Variants in DAB1 observed in about 807,000 individuals in gnomAD.
DAB1 encodes DAB adaptor protein 1.
Under a neutral mutation model 64.6 loss-of-function variants are expected in DAB1, and 15 were observed. The ratio of observed to expected loss-of-function variants is 0.23; its 90% CI spans 0.16 to 0.36. The LOEUF (loss-of-function observed/expected upper bound fraction) is 0.36, where lower values mean the gene tolerates loss of function less well. Ranked by LOEUF, DAB1 falls within the 10% of genes least tolerant of loss-of-function variation. The pLI is 1.00. For synonymous variants in DAB1, 235 were observed against 251.9 expected, an observed-to-expected ratio of 0.93 and a Z score of 0.64; for missense variants, 596 against 706.7, an observed-to-expected ratio of 0.84 and a Z score of 1.78.
chr1:57,241,617 C>T (rs1031750558), intron 2 of DAB1, among the ~76,000 whole-genome samples: 1 of 152,170 alleles, frequency 6.6e-6, no homozygotes, highest in South Asian at 2.1e-4. Flanking sequence ...TGTACCACTG[C>T]CACCAAGGTT....
At chr1:57,729,133 G>A (rs1393661646) in intron 6 of DAB1, among the ~76,000 whole-genome samples, 1 of 152,216 alleles carries the variant, frequency 6.6e-6, no homozygotes, top group Non-Finnish European at 1.5e-5. Context: ...ATTCCAATGG[G>A]GAAAACCAGG....
chr1:57,134,256 C>T (rs555002964), intron 4 of DAB1, among the ~76,000 whole-genome samples: 1 of 152,234 alleles, frequency 6.6e-6, no homozygotes, highest in South Asian at 2.1e-4. Context: ...TCACACAGAG[C>T]AAGTCAGCTC....
intron 6 of DAB1, among the ~76,000 whole-genome samples, chr1:57,735,375 T>A (rs1339100481): frequency 6.6e-6 from 1 of 152,150 alleles, no homozygotes; most frequent in Non-Finnish European, 1.5e-5. Context: ...GGTTTGAAGT[T>A]TCAATGAAAA....
rs1472090305 is a variant in DAB1 at position 57,898,012 on chromosome 1, G to A, written n.388-13850C>T. Among the ~76,000 whole-genome samples the A allele has an allele frequency of 3.3e-5, 5 of 152,100 alleles. No homozygotes were observed. The East Asian group carries it at 9.7e-4, about 29-fold the overall frequency. ...TCCTGCAGGAAGGAATGGGTTCCAG[G>A]GAAACTGGTAGAAGAAAGGGGCTGA... On this transcript the variant is annotated intron_variant and non_coding_transcript_variant, in intron 5 of 20. Coordinates refer to the DAB1 transcript ENST00000485760.
intron 3 of DAB1, among the ~76,000 whole-genome samples, chr1:58,382,387 G>A (rs143738892): frequency 6.2e-4 from 94 of 152,304 alleles, no homozygotes; most frequent in Non-Finnish European, 1.0e-3. Flanking sequence ...CCACCTGACT[G>A]TCAGAAGACC....
chr1:58,433,532 T>A (rs1027409243), intron 3 of DAB1, among the ~76,000 whole-genome samples: 3 of 148,932 alleles, frequency 2.0e-5, no homozygotes, highest in South Asian at 2.1e-4. Flanking sequence ...CGACATCCCA[T>A]GGTAGAAGGC....
At chr1:57,702,101 A>G (rs140287586) in intron 6 of DAB1, among the ~76,000 whole-genome samples, 12 of 152,100 alleles carry the variant, frequency 7.9e-5, no homozygotes, top group African/African-American at 2.9e-4. Flanking sequence ...TGGATTAGTT[A>G]TTTATTCCAG....
chr1:58,492,216 C>T (rs935079851), intron 3 of DAB1, among the ~76,000 whole-genome samples: 10 of 151,982 alleles, frequency 6.6e-5, no homozygotes, highest in African/African-American at 1.4e-4. Flanking sequence ...TTGAAACCAA[C>T]GAGAACAAAG....
intron 1 of DAB1, among the ~76,000 whole-genome samples, chr1:57,311,741 G>A (rs1170009926): frequency 6.6e-6 from 1 of 152,168 alleles, no homozygotes; most frequent in Non-Finnish European, 1.5e-5. Context: ...TCCAGGCAAA[G>A]GTCATCAGTG....
At chr1:57,797,293 C>G (rs562615012) in intron 6 of DAB1, among the ~76,000 whole-genome samples, 4 of 152,180 alleles carry the variant, frequency 2.6e-5, no homozygotes, top group Admixed American at 1.3e-4. Flanking sequence ...AACTAGGTCC[C>G]TTAGGCTCAG....
At chr1:57,677,115 C>T (rs1378805201) in intron 6 of DAB1, among the ~76,000 whole-genome samples, 1 of 152,168 alleles carries the variant, frequency 6.6e-6, no homozygotes, top group African/African-American at 2.4e-5. Flanking sequence ...CTCTCTCTGG[C>T]CCTCTCTCCA....
chr1:57,248,369 C>T (rs1669054159), intron 2 of DAB1, among the ~76,000 whole-genome samples: 1 of 151,806 alleles, frequency 6.6e-6, no homozygotes, highest in Admixed American at 6.6e-5. Context: ...ATGACAGTGG[C>T]CATAATTACT....
At chr1:57,063,803 G>A (rs1193681232) in intron 8 of DAB1, among the ~76,000 whole-genome samples, 3 of 152,152 alleles carry the variant, frequency 2.0e-5, no homozygotes, top group East Asian at 1.9e-4. Flanking sequence ...TGATACTAAC[G>A]ATAGTGGATA....
intron 5 of DAB1, among the ~76,000 whole-genome samples, chr1:58,019,358 T>C (rs141790224): frequency 5.6e-4 from 86 of 152,322 alleles, no homozygotes; most frequent in African/African-American, 1.8e-3. Flanking sequence ...AATAAAATTG[T>C]TCTTTCGTGT....
chr1:58,256,560 C>T (rs1290536797), intron 4 of DAB1, among the ~76,000 whole-genome samples: 1 of 152,078 alleles, frequency 6.6e-6, no homozygotes, highest in African/African-American at 2.4e-5. Flanking sequence ...CAGAAGCACC[C>T]GTACAATGCT....
intron 5 of DAB1, among the ~76,000 whole-genome samples, chr1:58,105,461 G>C (rs1004451525): frequency 6.6e-6 from 1 of 152,158 alleles, no homozygotes; most frequent in Non-Finnish European, 1.5e-5. Context: ...AGAGACGCCA[G>C]CAAACAAAGA....
At chr1:57,784,277 T>C (rs1480467266) in intron 6 of DAB1, among the ~76,000 whole-genome samples, 1 of 152,022 alleles carries the variant, frequency 6.6e-6, no homozygotes. Context: ...ACCTGTGGTC[T>C]CAGCTACACA....
At chr1:57,498,830 AG>A (rs1372910357) in intron 7 of DAB1, among the ~76,000 whole-genome samples, 1 of 152,216 alleles carries the variant, frequency 6.6e-6, no homozygotes, top group African/African-American at 2.4e-5. Flanking sequence ...TAGCATGTTT[AG>A]TTGATGACAG....
chr1:58,404,550 C>T (rs1480614370), intron 3 of DAB1, among the ~76,000 whole-genome samples: 1 of 152,162 alleles, frequency 6.6e-6, no homozygotes, highest in Non-Finnish European at 1.5e-5. Flanking sequence ...TTAAGTTTGT[C>T]TCCTTCAGAG....
Sources: gnomAD v4.1 joint callset for allele counts (sites outside exome capture counted in the v4.1 genomes callset) on GRCh38, gnomAD v4.1.1 for gene constraint, MANE v1.5 for transcripts, NCBI Gene and HGNC (gene_info 2026-07-23, HGNC 2026-07-21) for gene names.